ARSG: variants seen among roughly 807,000 people sequenced by gnomAD.
ARSG encodes the protein ASG.
ARSG carries 37 observed loss-of-function variants against 50.5 expected under a neutral mutation model. The observed-to-expected ratio is 0.73, with a 90% CI of 0.56 to 0.96. The LOEUF (loss-of-function observed/expected upper bound fraction) is 0.96. Among genes scored for constraint, ARSG ranks in the 50% least tolerant of loss-of-function variants. The pLI, the probability that ARSG is intolerant of heterozygous loss-of-function variation, is 0.00. For synonymous variants in ARSG, 225 were observed against 254.6 expected (o/e 0.88, Z 1.11); for missense variants, 629 against 675.3 (o/e 0.93, Z 0.76).
intron 8 of ARSG, 61 bp from the exon 9 acceptor site, chr17:68,385,003 G>T: frequency 7.2e-7 from 1 of 1,396,378 alleles, no homozygotes; most frequent in Non-Finnish European, 1.0e-6. Context: ...CTAGCTCTTA[G>T]CTGAAAAGAA....
chr17:68,440,991 A>T, the ARSG span: 1 of 152,242 alleles, frequency 6.6e-6, no homozygotes, highest in Non-Finnish European at 1.5e-5. Flanking sequence ...ATTTTCAAAC[A>T]AGAAAGAGGT....
upstream of ARSG, among the ~76,000 whole-genome samples, chr17:68,288,753 G>A (rs1462856428): frequency 5.3e-5 from 8 of 152,226 alleles, no homozygotes; most frequent in Non-Finnish European, 1.2e-4. Context: ...AGGCCGAAGA[G>A]TTGGTCTTCT....
the ARSG span, among the ~76,000 whole-genome samples, chr17:68,434,373 G>A: frequency 0.26 from 40,286 of 152,096 alleles, 5,990 homozygotes; most frequent in Middle Eastern, 0.35. Context: ...ACAGCATCTC[G>A]GCTTTCAGTT....
intron 10 of ARSG, among the ~76,000 whole-genome samples, chr17:68,396,789 G>A (rs2081267999): frequency 1.3e-5 from 2 of 152,206 alleles, no homozygotes; most frequent in South Asian, 4.1e-4. Flanking sequence ...GATGAAGCCT[G>A]AGAGGTGTTC....
chr17:68,340,660 C>T (rs1484956848), intron 2 of ARSG, among the ~76,000 whole-genome samples: 1 of 152,156 alleles, frequency 6.6e-6, no homozygotes, highest in Non-Finnish European at 1.5e-5. Context: ...TTGGGTCTTT[C>T]TTTGCTTCCT....
chr17:68,440,156 G>A, the ARSG span, among the ~76,000 whole-genome samples: 1 of 152,114 alleles, frequency 6.6e-6, no homozygotes, highest in Non-Finnish European at 1.5e-5. Flanking sequence ...TTGCCTCCAG[G>A]CTCGCACCTC....
At chr17:68,278,081 G>A (rs1203842627) in intron 1 of ARSG, 14 of 1,600,512 alleles carry the variant, frequency 8.7e-6, no homozygotes, top group African/African-American at 1.3e-5. Context: ...GCCGAAAGAT[G>A]TACTAACCTG....
chr17:68,277,728 A>G (rs1555751450), intron 1 of ARSG, among the ~76,000 whole-genome samples: 1 of 152,200 alleles, frequency 6.6e-6, no homozygotes, highest in Non-Finnish European at 1.5e-5. Flanking sequence ...CCCGGCCATC[A>G]GCAACTTTTT....
At chr17:68,366,673 A>ATGTGTGTGTGTGTGTGTGTGTG (rs555888280) in intron 6 of ARSG, among the ~76,000 whole-genome samples, 75 of 134,994 alleles carry the variant, frequency 5.6e-4, no homozygotes, top group African/African-American at 2.0e-3. Context: ...CTAGGAATTT[A>ATGTGTGTGTGTGTGTGTGTGTG]TGTATGTGTG....
intron 1 of ARSG, among the ~76,000 whole-genome samples, chr17:68,298,079 C>T (rs1389660688): frequency 6.6e-6 from 1 of 151,296 alleles, no homozygotes; most frequent in Non-Finnish European, 1.5e-5. Context: ...TCCATGGTCA[C>T]ACAGCTGGCA....
intron 9 of ARSG, among the ~76,000 whole-genome samples, chr17:68,393,320 T>C (rs10468443): frequency 0.11 from 16,730 of 151,800 alleles, 1,530 homozygotes; most frequent in East Asian, 0.37. Context: ...CCACCCACCC[T>C]GTAACGCCCT....
At chr17:68,397,896 A>G (rs534402907) in intron 10 of ARSG, among the ~76,000 whole-genome samples, 1 of 152,144 alleles carries the variant, frequency 6.6e-6, no homozygotes, top group South Asian at 2.1e-4. Flanking sequence ...CCTCCCAAGT[A>G]GCTGGTATTA....
the ARSG span, among the ~76,000 whole-genome samples, chr17:68,449,167 G>A: frequency 6.6e-6 from 1 of 152,194 alleles, no homozygotes; most frequent in African/African-American, 2.4e-5. Flanking sequence ...ACCGCTCTGG[G>A]AATACTTAAT....
chr17:68,356,628 T>C (rs1816365991), intron 5 of ARSG, 39 bp from the exon 6 acceptor site: 1 of 1,611,900 alleles, frequency 6.2e-7, no homozygotes, highest in African/African-American at 1.3e-5. Flanking sequence ...CGTGAGTACG[T>C]AGGAAATGAA....
intron 3 of ARSG, among the ~76,000 whole-genome samples, chr17:68,345,781 G>T: frequency 6.6e-6 from 1 of 152,068 alleles, no homozygotes; most frequent in South Asian, 2.1e-4. Context: ...TAATTTTTAT[G>T]ATTAAACAAT....
chr17:68,306,126 C>T (rs1202465142), intron 1 of ARSG, among the ~76,000 whole-genome samples: 1 of 151,992 alleles, frequency 6.6e-6, no homozygotes, highest in Non-Finnish European at 1.5e-5. Context: ...CCTCAGCCTC[C>T]CAAGTAGCTG....
chr17:68,360,784 C>T (rs1277499610), intron 6 of ARSG, among the ~76,000 whole-genome samples: 1 of 152,106 alleles, frequency 6.6e-6, no homozygotes, highest in Non-Finnish European at 1.5e-5. Flanking sequence ...TATCGGGCAT[C>T]AGGATGAGCA....
chr17:68,397,106 G>A (rs984291617), intron 10 of ARSG, among the ~76,000 whole-genome samples: 2 of 152,204 alleles, frequency 1.3e-5, no homozygotes, highest in Non-Finnish European at 2.9e-5. Flanking sequence ...TCCTTTCTCA[G>A]ACGGGAGAGC....
At chr17:68,386,870 A>T (rs1444430980) in intron 9 of ARSG, among the ~76,000 whole-genome samples, 1 of 152,124 alleles carries the variant, frequency 6.6e-6, no homozygotes, top group East Asian at 1.9e-4. Context: ...GTAGGGCCTT[A>T]GAGGAGACAA....
Sources: gnomAD v4.1 joint callset for allele counts (sites outside exome capture counted in the v4.1 genomes callset) on GRCh38, gnomAD v4.1.1 for gene constraint, MANE v1.5 for transcripts, NCBI Gene and HGNC (gene_info 2026-07-23, HGNC 2026-07-21) for gene names.